The following ITGA11 variants were observed in gnomAD, a reference collection of about 807,000 sequenced individuals.
ITGA11 encodes the protein integrin subunit alpha 11.
In ITGA11, 97 loss-of-function variants were observed where a neutral mutation model predicts 141.9. That is an observed-to-expected ratio of 0.68 (90% CI 0.58 to 0.81). ITGA11 has a LOEUF of 0.81. Ranked by LOEUF, ITGA11 falls within the 30% of genes least tolerant of loss-of-function variation. ITGA11 has a pLI of 0.00. For missense variants in ITGA11, 1,387 were observed against 1,559.2 expected (o/e 0.89, Z 1.86); for synonymous variants, 658 against 624.6 (o/e 1.05, Z -0.80).
chr15:68,422,435 T>G (rs1183471797), intron 1 of ITGA11, among the ~76,000 whole-genome samples: 1 of 152,120 alleles, frequency 6.6e-6, no homozygotes, highest in Non-Finnish European at 1.5e-5. Context: ...TCACTCCTTT[T>G]GCATCTCACC....
chr15:68,420,657 G>A (rs898683707), intron 1 of ITGA11, among the ~76,000 whole-genome samples: 3 of 150,508 alleles, frequency 2.0e-5, no homozygotes, highest in African/African-American at 7.5e-5. Context: ...TCTAGCAACT[G>A]TGGCAGGCGG....
In ITGA11 at chr15:68,332,023, T is replaced by C; in HGVS notation, c.1606A>G (p.Ser536Gly). ...VYNGTLKDSHSYQNARFGSSI... is the reference protein window; with the variant it reads ...VYNGTLKDSHGYQNARFGSSI... Reference sequence around the variant, plus strand: ...GACCCAAATCGGGCATTCTGGTAACTGTGTGAATCCTTTAGCGTTCCGTTA... The same window carrying C: ...GACCCAAATCGGGCATTCTGGTAACCGTGTGAATCCTTTAGCGTTCCGTTA... Residue 536 changes from serine to glycine, a missense_variant, in exon 14 of 30, where the codon AGT becomes GGT. Transcript: ENST00000315757. 1 of 1,610,702 alleles carries C rather than the reference T, an allele frequency of 6.2e-7. No individual in the cohort carries two copies. Among genetic ancestry groups the C allele is most frequent in the African/African-American group, 1.3e-5 (1 of 75,002 alleles).
chr15:68,357,498 G>T (rs1169986870), intron 6 of ITGA11, among the ~76,000 whole-genome samples, 199 bp from the exon 7 acceptor site: 2 of 152,170 alleles, frequency 1.3e-5, no homozygotes, highest in African/African-American at 4.8e-5. Flanking sequence ...GGACAGCTTG[G>T]TGGCACAAGA....
At chr15:68,364,644 T>TC in intron 4 of ITGA11, 63 bp downstream of exon 4, 2 of 957,014 alleles carry the variant, frequency 2.1e-6, no homozygotes. Flanking sequence ...AAGGAGACGC[T>TC]CCACCCCTCC....
chr15:68,381,755 C>G (rs1254436571), intron 2 of ITGA11, among the ~76,000 whole-genome samples: 1 of 152,202 alleles, frequency 6.6e-6, no homozygotes, highest in Admixed American at 6.5e-5. Flanking sequence ...GGGGTTTTGC[C>G]ATGTTGGCCA....
chr15:68,366,477 A>G (rs1186543955), intron 3 of ITGA11, among the ~76,000 whole-genome samples: 2 of 152,124 alleles, frequency 1.3e-5, no homozygotes, highest in African/African-American at 2.4e-5. Flanking sequence ...TCCATGCTCC[A>G]CTGGGCTGGG....
intron 1 of ITGA11, among the ~76,000 whole-genome samples, chr15:68,417,305 C>T (rs1400578237): frequency 6.6e-6 from 1 of 152,246 alleles, no homozygotes; most frequent in African/African-American, 2.4e-5. Context: ...CCAGATGGCT[C>T]AAGCCAGAAG....
intron 25 of ITGA11, 57 bp downstream of exon 25, chr15:68,311,233 G>T: frequency 7.6e-7 from 1 of 1,319,240 alleles, no homozygotes; most frequent in Non-Finnish European, 1.1e-6. Flanking sequence ...ACACGTAGGG[G>T]GAGTGTCTGT....
intron 1 of ITGA11, among the ~76,000 whole-genome samples, chr15:68,406,527 CA>C (rs1171018604): frequency 6.6e-6 from 1 of 152,184 alleles, no homozygotes; most frequent in Non-Finnish European, 1.5e-5. Flanking sequence ...CCATCTTGTC[CA>C]TCACCAGGCC....
intron 2 of ITGA11, among the ~76,000 whole-genome samples, chr15:68,393,350 T>C (rs1313072698): frequency 2.6e-5 from 4 of 152,152 alleles, no homozygotes; most frequent in Non-Finnish European, 4.4e-5. Context: ...CCAAATCTAA[T>C]TAAAAGTATC....
At chr15:68,311,962 C>A (rs544935728) in intron 24 of ITGA11, among the ~76,000 whole-genome samples, 5 of 152,294 alleles carry the variant, frequency 3.3e-5, no homozygotes, top group Non-Finnish European at 7.4e-5. Context: ...AGCTGTGTGA[C>A]CCTGGGCAGC....
rs1289548480 is a variant in ITGA11, at chr15:68,302,438, C to G, written c.*621G>C. On this transcript the variant is annotated 3_prime_UTR_variant, in exon 30 of 30. Coordinates refer to ENST00000315757, the MANE Select transcript of ITGA11 (RefSeq NM_001004439.2). Reference sequence around the variant, plus strand: ...CAGTATCCTGGTCCCACTTGCCTGGCCATCAGTCTCCACATCTCAGAGTCT... The same window carrying G: ...CAGTATCCTGGTCCCACTTGCCTGGGCATCAGTCTCCACATCTCAGAGTCT... 1 of 152,494 alleles carries G rather than the reference C, an allele frequency of 6.6e-6. No homozygotes were observed. The highest frequency in any genetic ancestry group is 6.5e-5 in the Admixed American group (1 of 15,286). The allele number at this position is 152,494 out of a possible 1,614,324, so 9.4% of individuals were successfully genotyped here.
chr15:68,411,396 T>A (rs1896767636), intron 1 of ITGA11, among the ~76,000 whole-genome samples: 1 of 152,194 alleles, frequency 6.6e-6, no homozygotes, highest in African/African-American at 2.4e-5. Flanking sequence ...GCCCATGCCC[T>A]CTGCTCACTA....
At position 68,303,047 on chromosome 15, in the gene ITGA11, T is replaced by A. The variant is rs1893080815; in HGVS notation, c.*12A>T. ...TCCTGGCCCCCATCAACTCAAAGTC[T>A]CCTCTGGAGCCTCACTCCAGCACTT... On this transcript the variant is annotated 3_prime_UTR_variant, in exon 30 of 30. Transcript: ENST00000315757. This position sits in a 1 kb window ranked among gnomAD's most constrained non-coding sequence, Gnocchi z 5.3. 6 of 1,546,674 alleles carry A rather than the reference T, an allele frequency of 3.9e-6. No individual in the cohort carries two copies. Among genetic ancestry groups the A allele is most frequent in the Non-Finnish European group, 5.2e-6 (6 of 1,144,948 alleles).
At chr15:68,372,334 C>A (rs192603757) in intron 2 of ITGA11, among the ~76,000 whole-genome samples, 15 of 152,166 alleles carry the variant, frequency 9.9e-5, no homozygotes, top group African/African-American at 3.6e-4. Flanking sequence ...CCTGCCACCC[C>A]CTGCAGCCTC....
chr15:68,390,199 G>A (rs1037747674), intron 2 of ITGA11, among the ~76,000 whole-genome samples: 1 of 152,182 alleles, frequency 6.6e-6, no homozygotes, highest in Non-Finnish European at 1.5e-5. Flanking sequence ...CTGAGTTTGA[G>A]CTCTGAGTTG....
At chr15:68,358,174 C>A (rs1241187265) in intron 6 of ITGA11, among the ~76,000 whole-genome samples, 1 of 152,170 alleles carries the variant, frequency 6.6e-6, no homozygotes, top group Non-Finnish European at 1.5e-5. Flanking sequence ...TCCACTCAAC[C>A]ATTCCCACCT....
chr15:68,325,075 G>T lies in ITGA11; in HGVS notation c.2322+56C>A. 1.6e-6 allele frequency: 2 copies of T among 1,259,880 alleles called. No individual in the cohort carries two copies. Among genetic ancestry groups the T allele is most frequent in the Non-Finnish European group, 2.3e-6 (2 of 856,896 alleles). 78.0% of individuals were successfully genotyped at this position (1,259,880 alleles called of 1,614,324 possible). On this transcript the variant is annotated intron_variant, in intron 18 of 29. Coordinates refer to ENST00000315757, the MANE Select transcript of ITGA11 (RefSeq NM_001004439.2). The surrounding 1 kb of genome is among the most constrained non-coding windows in gnomAD (Gnocchi z 5.5). ...CTCAGGCTCTGGGCTTTGGGGTTGAGGTGGAGGTGGGGGTGGGGTTCATGC... is the reference window on the plus strand; with the variant it reads ...CTCAGGCTCTGGGCTTTGGGGTTGATGTGGAGGTGGGGGTGGGGTTCATGC...
At position 68,314,011 on chromosome 15, in the gene ITGA11, G is replaced by T. The variant is rs529371107; in HGVS notation, c.2793-143C>A. The T allele has an allele frequency of 1.4e-5, 9 of 649,110 alleles. No individual in the cohort carries two copies. In the East Asian group the frequency reaches 2.2e-4, roughly 16 times the overall value. The allele number at this position is 649,110 out of a possible 1,614,324, so 40.2% of individuals were successfully genotyped here. On this transcript the variant is annotated intron_variant, in intron 22 of 29. Coordinates refer to ENST00000315757, the MANE Select transcript of ITGA11 (RefSeq NM_001004439.2). ...AGACAGGCCAGACAGGGAACCTGAG[G>T]CATCTCCTAGGAGAGGAAGGGCCAG...
Sources: allele counts gnomAD v4.1 joint callset (sites outside exome capture counted in the v4.1 genomes callset), GRCh38; gene constraint gnomAD v4.1.1; non-coding constraint Gnocchi (gnomAD v3.1); transcripts MANE v1.5; gene names NCBI Gene and HGNC (gene_info 2026-07-23, HGNC 2026-07-21).